CDYL2: variants seen among roughly 807,000 people sequenced by gnomAD.
CDYL2 encodes the protein chromodomain Y-like protein 2.
A neutral mutation model predicts 49.4 loss-of-function variants in CDYL2; 23 were observed. That is an observed-to-expected ratio of 0.47 (90% CI 0.34 to 0.66). The LOEUF (loss-of-function observed/expected upper bound fraction) is 0.66, where lower values mean the gene tolerates loss of function less well. Ranked by LOEUF, CDYL2 falls within the 30% of genes least tolerant of loss-of-function variation. CDYL2 has a pLI of 0.01. For synonymous variants in CDYL2, 360 were observed against 268.8 expected (o/e 1.34, Z -3.32); for missense variants, 678 against 656.4 (o/e 1.03, Z -0.36).
At position 80,730,068 on chromosome 16, in the gene CDYL2, A is replaced by C. The variant is rs536514934; in HGVS notation, c.25-44939T>G. 2.0e-5 allele frequency among the ~76,000 whole-genome samples: 3 copies of C among 152,250 alleles called. No homozygotes were observed. The East Asian group carries it at 5.8e-4, about 29-fold the overall frequency. On this transcript the variant is annotated intron_variant, in intron 1 of 6. Coordinates refer to ENST00000570137, the MANE Select transcript of CDYL2 (RefSeq NM_152342.4). Reference sequence around the variant, plus strand: ...TAGAAAAGCAAGAGCAAACACATTCAAAAGCTAGCAGAAGGCAAGAAATAA... The same window carrying C: ...TAGAAAAGCAAGAGCAAACACATTCCAAAGCTAGCAGAAGGCAAGAAATAA...
intron 5 of CDYL2, among the ~76,000 whole-genome samples, chr16:80,611,090 CCT>C (rs1906574514): frequency 1.3e-5 from 2 of 152,286 alleles, no homozygotes; most frequent in South Asian, 4.1e-4. Flanking sequence ...CTTCATGCAT[CCT>C]CTGCCTGGAA....
chr16:80,702,454 AG>A (rs1226049343), intron 1 of CDYL2, among the ~76,000 whole-genome samples: 3 of 152,232 alleles, frequency 2.0e-5, no homozygotes, highest in Non-Finnish European at 2.9e-5. Flanking sequence ...GAATATCATT[AG>A]GAAAAGCAGA....
At chr16:80,629,434 G>A (rs779741126) in intron 3 of CDYL2, among the ~76,000 whole-genome samples, 5 of 152,218 alleles carry the variant, frequency 3.3e-5, no homozygotes, top group Admixed American at 6.5e-5. Flanking sequence ...CGACAAGAGC[G>A]GTGTGAAAAG....
At chr16:80,691,857 T>C (rs954751678) in intron 1 of CDYL2, among the ~76,000 whole-genome samples, 18 of 151,816 alleles carry the variant, frequency 1.2e-4, no homozygotes, top group African/African-American at 4.1e-4. Flanking sequence ...TTCATTTACA[T>C]AAGAAAGGAT....
At chr16:80,637,015 G>C (rs775160378) in intron 2 of CDYL2, among the ~76,000 whole-genome samples, 7 of 152,202 alleles carry the variant, frequency 4.6e-5, no homozygotes, top group Middle Eastern at 3.4e-3. Context: ...AGAACACATG[G>C]ATACAGGGAG....
At chr16:80,645,771 G>A (rs1004019940) in intron 2 of CDYL2, among the ~76,000 whole-genome samples, 20 of 152,098 alleles carry the variant, frequency 1.3e-4, no homozygotes, top group African/African-American at 4.8e-4. Context: ...TTAAGAAAAT[G>A]TGGCACATAT....
At chr16:80,782,200 G>T (rs1054816845) in intron 1 of CDYL2, among the ~76,000 whole-genome samples, 1 of 151,626 alleles carries the variant, frequency 6.6e-6, no homozygotes, top group South Asian at 2.1e-4. Context: ...GAAATAAAAA[G>T]AATTATTTTA....
At chr16:80,679,720 T>C (rs1326214339) in intron 2 of CDYL2, 4 of 456,098 alleles carry the variant, frequency 8.8e-6, no homozygotes, top group South Asian at 4.6e-5. Flanking sequence ...CACTTCAAGT[T>C]TCCTCAATAC....
At chr16:80,730,489 C>G (rs1269924423) in intron 1 of CDYL2, among the ~76,000 whole-genome samples, 1 of 151,966 alleles carries the variant, frequency 6.6e-6, no homozygotes, top group East Asian at 1.9e-4. Context: ...GAGTCCAGGA[C>G]CAGATGGATT....
chr16:80,598,054 T>C lies in CDYL2; in HGVS notation c.*6334A>G, dbSNP rs1905916620. ...CACAAAGAGAGTGTACAATTTGCTC[T>C]AGACAGTCAGGATTTGATAAATCAG... is the stretch of plus-strand genomic sequence containing the variant. On this transcript the variant is annotated 3_prime_UTR_variant, in exon 7 of 7. Coordinates refer to ENST00000570137, the MANE Select transcript of CDYL2 (RefSeq NM_152342.4). 6.6e-6 allele frequency: 1 copy of C among 152,210 alleles called. No individual in the cohort carries two copies. The highest frequency in any genetic ancestry group is 1.5e-5 in the Non-Finnish European group (1 of 68,034). The allele number at this position is 152,210 out of a possible 1,614,324, so 9.4% of individuals were successfully genotyped here.
chr16:80,665,196 G>C (rs144693699), intron 2 of CDYL2, among the ~76,000 whole-genome samples: 1 of 152,178 alleles, frequency 6.6e-6, no homozygotes, highest in Non-Finnish European at 1.5e-5. Context: ...TCACTGTCTA[G>C]AACACTCTCC....
chr16:80,684,478 G>T (rs928734436), intron 2 of CDYL2, 60 bp downstream of exon 2: 3 of 1,512,746 alleles, frequency 2.0e-6, no homozygotes, highest in African/African-American at 1.4e-5. Context: ...CTAGGCTACA[G>T]GCAGAGCTCC....
rs896626 is a variant in CDYL2 at position 80,613,815 on chromosome 16, T to C, written c.1008-979A>G. Among the ~76,000 whole-genome samples the C allele has an allele frequency of 2.6e-3, 403 of 152,320 alleles. 1 individual carries two copies. Among genetic ancestry groups the C allele is most frequent in the African/African-American group, 9.4e-3 (391 of 41,570 alleles). On this transcript the variant is annotated intron_variant, in intron 4 of 6. Transcript: ENST00000570137. The stretch of plus-strand genomic sequence containing the variant: ...CCTTCGTTACTTTCAGAGGAAAGAT[T>C]AGAAACTATAAGAACTCACAAGAAT...
chr16:80,665,040 T>A (rs1398727146), intron 2 of CDYL2, among the ~76,000 whole-genome samples: 1 of 152,226 alleles, frequency 6.6e-6, no homozygotes, highest in Non-Finnish European at 1.5e-5. Flanking sequence ...CGAGGCATGC[T>A]GAGACCTGCT....
intron 3 of CDYL2, among the ~76,000 whole-genome samples, chr16:80,629,572 T>G (rs1567547220): frequency 6.6e-6 from 1 of 152,200 alleles, no homozygotes; most frequent in Non-Finnish European, 1.5e-5. Context: ...TCAAGGAGAC[T>G]GTGTCATCTG....
intron 4 of CDYL2, among the ~76,000 whole-genome samples, chr16:80,613,406 G>A (rs1355149473): frequency 6.6e-6 from 1 of 152,126 alleles, no homozygotes; most frequent in Non-Finnish European, 1.5e-5. Context: ...CAGATGGTGG[G>A]TACATGTTGG....
chr16:80,717,238 T>A lies in CDYL2; in HGVS notation c.25-32109A>T, dbSNP rs558777783. On this transcript the variant is annotated intron_variant, in intron 1 of 6. Transcript: ENST00000570137. The stretch of plus-strand genomic sequence containing the variant: ...TGTGGTGACTAGCCATTCTTACTAT[T>A]CAACTTTAGGCCCAGCAGCTTCACC... Among the ~76,000 whole-genome samples the A allele has an allele frequency of 2.6e-5, 4 of 152,292 alleles. No individual in the cohort carries two copies. In the East Asian group the frequency reaches 7.7e-4, roughly 29 times the overall value.
intron 1 of CDYL2, among the ~76,000 whole-genome samples, chr16:80,757,538 CAAAA>C (rs35826810): frequency 6.1e-5 from 6 of 98,360 alleles, no homozygotes; most frequent in African/African-American, 1.2e-4. Flanking sequence ...GACTCTGTCT[CAAAA>C]AAAAAAAAAA....
At chr16:80,721,918 A>G (rs1905011249) in intron 1 of CDYL2, among the ~76,000 whole-genome samples, 1 of 152,180 alleles carries the variant, frequency 6.6e-6, no homozygotes, top group African/African-American at 2.4e-5. Flanking sequence ...ACTGTATTCC[A>G]GGCACAGCGA....
Sources: allele counts gnomAD v4.1 joint callset (sites outside exome capture counted in the v4.1 genomes callset), GRCh38; gene constraint gnomAD v4.1.1; transcripts MANE v1.5; gene names NCBI Gene and HGNC (gene_info 2026-07-23, HGNC 2026-07-21).